The following RSU1 variants were observed in gnomAD, a reference collection of about 807,000 sequenced individuals.
RSU1 encodes the protein rsu-1.
Under a neutral mutation model 31.1 loss-of-function variants are expected in RSU1, and 26 were observed. The ratio of observed to expected loss-of-function variants is 0.84; its 90% CI spans 0.61 to 1.16. The LOEUF is 1.16. Among genes scored for constraint, RSU1 ranks in the 50% most tolerant of loss-of-function variants. The probability of loss-of-function intolerance (pLI) is 0.00; values close to 1 mark genes in which losing one functional copy is unlikely to be tolerated. For missense variants in RSU1, 320 were observed against 339.1 expected, an observed-to-expected ratio of 0.94 and a Z score of 0.44; for synonymous variants, 164 against 136.3, an observed-to-expected ratio of 1.20 and a Z score of -1.41.
In RSU1 at chr10:16,817,097, A is replaced by G. The variant is rs1838554779; in HGVS notation, c.-3-13T>C. The G allele has an allele frequency of 3.8e-6, 6 of 1,570,570 alleles. No individual in the cohort carries two copies. Among genetic ancestry groups the G allele is most frequent in the Non-Finnish European group, 4.4e-6 (5 of 1,140,260 alleles). On this transcript the variant is annotated splice_polypyrimidine_tract_variant and intron_variant, in intron 1 of 8. Coordinates refer to ENST00000345264, the MANE Select transcript of RSU1 (RefSeq NM_012425.4). Reference sequence around the variant, plus strand: ...ACTTGGACATGGTCTGCACCGAACAACAACAAAGCACGTGGGCGATGACAG... The same window carrying G: ...ACTTGGACATGGTCTGCACCGAACAGCAACAAAGCACGTGGGCGATGACAG...
chr10:16,683,160 G>GGTGTGTGTGTGTGTGTGTGTGTGTGTGT (rs4012467), intron 8 of RSU1, among the ~76,000 whole-genome samples: 7,095 of 143,062 alleles, frequency 0.05, 239 homozygotes, highest in Non-Finnish European at 0.058. Flanking sequence ...ATGGGTGTGT[G>GGTGTGTGTGTGTGTGTGTGTGTGTGTGT]GTGTGTGTGT....
At position 16,809,053 on chromosome 10, in the gene RSU1, C is replaced by G. The variant is rs117322102; in HGVS notation, c.109+7920G>C. Among the ~76,000 whole-genome samples, 475 of 152,320 alleles carry G rather than the reference C, an allele frequency of 3.1e-3. 19 individuals carry two copies. The East Asian group carries it at 0.079, about 25-fold the overall frequency. On this transcript the variant is annotated intron_variant, in intron 2 of 8. Coordinates refer to ENST00000345264, the MANE Select transcript of RSU1 (RefSeq NM_012425.4). ...ATTTCTGTTGTCAAAATCACCCAGC[C>G]TGCGGTGTTTTGTTTTGCAGCCGTA...
At chr10:16,709,437 A>G (rs1414759957) in intron 7 of RSU1, among the ~76,000 whole-genome samples, 3 of 152,154 alleles carry the variant, frequency 2.0e-5, no homozygotes, top group Non-Finnish European at 2.9e-5. Context: ...GCTATTGTGA[A>G]TAGTGCCGCA....
At chr10:16,778,348 A>G (rs546366744) in intron 3 of RSU1, among the ~76,000 whole-genome samples, 15 of 152,062 alleles carry the variant, frequency 9.9e-5, no homozygotes, top group Non-Finnish European at 1.8e-4. Flanking sequence ...ATCTGATCCC[A>G]ATGTTCCCCA....
Position 16,719,094 on chromosome 10 carries a change from C to T in RSU1, c.599-23939G>A, listed in dbSNP as rs187974474. 6.1e-4 allele frequency among the ~76,000 whole-genome samples: 93 copies of T among 152,070 alleles called. No homozygotes were observed. In the Middle Eastern group the frequency reaches 0.01, roughly 17 times the overall value. On this transcript the variant is annotated intron_variant, in intron 7 of 8. Transcript: ENST00000345264. ...GCTTGAAGGCAGGAGGATTGCTTGA[C>T]GGCAGGAGTTGAAGACAAGCCTCGG...
chr10:16,620,844 CAA>C (rs11354712), intron 8 of RSU1, among the ~76,000 whole-genome samples: 178 of 130,874 alleles, frequency 1.4e-3, no homozygotes, highest in African/African-American at 3.4e-3. Context: ...GACTCCATCT[CAA>C]AAAAAAAAAA....
chr10:16,724,298 T>A (rs896191362), intron 7 of RSU1, among the ~76,000 whole-genome samples: 11 of 152,190 alleles, frequency 7.2e-5, no homozygotes, highest in African/African-American at 2.7e-4. Flanking sequence ...TCTCCTTCCC[T>A]AAAATCTACT....
At chr10:16,769,375 T>C (rs1837377930) in intron 3 of RSU1, among the ~76,000 whole-genome samples, 1 of 152,260 alleles carries the variant, frequency 6.6e-6, no homozygotes, top group African/African-American at 2.4e-5. Flanking sequence ...ATGAATGCTA[T>C]TGTTGGTCAC....
At chr10:16,675,129 C>A (rs1564312093) in intron 8 of RSU1, among the ~76,000 whole-genome samples, 2 of 149,054 alleles carry the variant, frequency 1.3e-5, no homozygotes, top group Non-Finnish European at 3.0e-5. Flanking sequence ...TCGCTTGAAT[C>A]CAGGAGGCGG....
chr10:16,775,795 AT>A (rs997997738), intron 3 of RSU1, among the ~76,000 whole-genome samples: 4 of 152,186 alleles, frequency 2.6e-5, no homozygotes, highest in African/African-American at 4.8e-5. Flanking sequence ...TACTATGCAT[AT>A]TTTTTTAACT....
chr10:16,690,594 C>T (rs577478303), intron 8 of RSU1, among the ~76,000 whole-genome samples: 5 of 152,328 alleles, frequency 3.3e-5, no homozygotes, highest in African/African-American at 1.2e-4. Flanking sequence ...TGTTGACACA[C>T]TGAATTCATT....
chr10:16,675,433 T>C (rs1835209780), intron 8 of RSU1, among the ~76,000 whole-genome samples: 1 of 152,124 alleles, frequency 6.6e-6, no homozygotes, highest in Non-Finnish European at 1.5e-5. Context: ...TTTTAAAGTA[T>C]AAAACCTAGA....
chr10:16,661,986 A>G (rs1834899179), intron 8 of RSU1, among the ~76,000 whole-genome samples: 1 of 152,242 alleles, frequency 6.6e-6, no homozygotes, highest in Non-Finnish European at 1.5e-5. Context: ...GGTTTTCAGA[A>G]TATCTGGTCC....
At chr10:16,702,339 C>T (rs1835808946) in intron 7 of RSU1, among the ~76,000 whole-genome samples, 1 of 152,202 alleles carries the variant, frequency 6.6e-6, no homozygotes, top group Admixed American at 6.5e-5. Context: ...TGGAGGACCA[C>T]CAACCTCTAG....
intron 8 of RSU1, among the ~76,000 whole-genome samples, chr10:16,596,772 G>T (rs1833621631): frequency 6.6e-6 from 1 of 152,162 alleles, no homozygotes; most frequent in Non-Finnish European, 1.5e-5. Flanking sequence ...ACCCAGGCTG[G>T]AGTGCAGTGG....
intron 3 of RSU1, among the ~76,000 whole-genome samples, chr10:16,779,322 A>C (rs992367969): frequency 2.6e-5 from 4 of 152,208 alleles, no homozygotes; most frequent in African/African-American, 9.7e-5. Flanking sequence ...ATTCTTGAGG[A>C]ATTTCAGAAT....
intron 7 of RSU1, among the ~76,000 whole-genome samples, chr10:16,728,894 A>T (rs1836448861): frequency 6.6e-6 from 1 of 152,230 alleles, no homozygotes. Context: ...TCTCCTCTAG[A>T]GCCTCCTGAA....
intron 8 of RSU1, among the ~76,000 whole-genome samples, chr10:16,657,846 A>T (rs1478319531): frequency 1.3e-5 from 2 of 152,202 alleles, no homozygotes; most frequent in East Asian, 3.8e-4. Flanking sequence ...TACAAAAATT[A>T]GCCAGATGTG....
intron 2 of RSU1, among the ~76,000 whole-genome samples, chr10:16,800,504 G>T (rs1450195339): frequency 1.3e-5 from 2 of 152,196 alleles, no homozygotes; most frequent in Admixed American, 6.5e-5. Flanking sequence ...CAGTGATCTT[G>T]AAGACATGTC....
Sources: gnomAD v4.1 joint callset for allele counts (sites outside exome capture counted in the v4.1 genomes callset) on GRCh38, gnomAD v4.1.1 for gene constraint, MANE v1.5 for transcripts, NCBI Gene and HGNC (gene_info 2026-07-23, HGNC 2026-07-21) for gene names.